Variants in PLCH1 observed in about 807,000 individuals in gnomAD.
PLCH1 encodes 1-phosphatidylinositol 4,5-bisphosphate phosphodiesterase eta-1.
PLCH1 carries 60 observed loss-of-function variants against 126.7 expected under a neutral mutation model. The ratio of observed to expected loss-of-function variants is 0.47; its 90% CI spans 0.38 to 0.59. The LOEUF is 0.59. Among genes scored for constraint, PLCH1 ranks in the 20% least tolerant of loss-of-function variants. The pLI is 0.00. For synonymous variants in PLCH1, 719 were observed against 734.9 expected, an observed-to-expected ratio of 0.98 and a Z score of 0.35; for missense variants, 1,723 against 2,040.0, an observed-to-expected ratio of 0.84 and a Z score of 2.99.
chr3:155,744,568 G>A (rs114337200), intron 1 of PLCH1, among the ~76,000 whole-genome samples: 372 of 152,296 alleles, frequency 2.4e-3, no homozygotes, highest in African/African-American at 8.0e-3. Context: ...CAAGGGACCC[G>A]AGAGTTACAT....
intron 21 of PLCH1, among the ~76,000 whole-genome samples, chr3:155,458,536 A>AAG (rs1712579061): frequency 4.8e-5 from 7 of 144,922 alleles, no homozygotes; most frequent in African/African-American, 1.9e-4. Context: ...GAAAGAAAGA[A>AAG]AAAGAAAAAG....
intron 2 of PLCH1, among the ~76,000 whole-genome samples, chr3:155,606,311 G>A (rs548378806): frequency 2.3e-4 from 35 of 152,220 alleles, no homozygotes; most frequent in South Asian, 4.2e-4. Flanking sequence ...AGGAGACCCC[G>A]TTTTAGGAAA....
intron 2 of PLCH1, among the ~76,000 whole-genome samples, chr3:155,611,127 G>A (rs776629285): frequency 1.3e-5 from 2 of 152,102 alleles, no homozygotes; most frequent in Non-Finnish European, 2.9e-5. Flanking sequence ...AGAGGGCCAG[G>A]CACGGCTCAC....
intron 2 of PLCH1, among the ~76,000 whole-genome samples, chr3:155,679,697 A>C (rs1191752391): frequency 1.3e-5 from 2 of 152,204 alleles, no homozygotes; most frequent in Non-Finnish European, 2.9e-5. Context: ...CAAACCTAGG[A>C]ACCATGTCAC....
At chr3:155,679,871 G>A (rs539710370) in intron 2 of PLCH1, among the ~76,000 whole-genome samples, 1 of 152,246 alleles carries the variant, frequency 6.6e-6, no homozygotes, top group African/African-American at 2.4e-5. Flanking sequence ...AGATCACACG[G>A]CTGTGATGAA....
chr3:155,550,862 T>C (rs997909451), intron 9 of PLCH1, among the ~76,000 whole-genome samples: 7 of 152,316 alleles, frequency 4.6e-5, no homozygotes, highest in African/African-American at 1.7e-4. Flanking sequence ...CAGGCTTTCA[T>C]GACAAGCACA....
Position 155,482,216 on chromosome 3 carries a change from G to A in PLCH1, c.3810C>T (p.Thr1270=). The change falls in exon 23 of 23, where the codon ACC becomes ACT. Residue 1270 remains threonine (T), a synonymous_variant. Transcript: ENST00000460012. ...KHATNTVYET[T]CTPISKTKPD... Reference sequence around the variant, plus strand: ...GTTTGGTTTTAGAGATGGGAGTGCAGGTAGTTTCATAAACTGTGTTCGTTG... The same window carrying A: ...GTTTGGTTTTAGAGATGGGAGTGCAAGTAGTTTCATAAACTGTGTTCGTTG... The A allele has an allele frequency of 6.2e-7, 1 of 1,614,132 alleles. No individual in the cohort carries two copies. Among genetic ancestry groups the A allele is most frequent in the Non-Finnish European group, 8.5e-7 (1 of 1,180,000 alleles).
Position 155,566,290 on chromosome 3 carries a change from C to T in PLCH1, c.866-1172G>A, listed in dbSNP as rs997044578. Among the ~76,000 whole-genome samples the T allele has an allele frequency of 1.4e-4, 4 of 28,416 alleles. No homozygotes were observed. In the East Asian group the frequency reaches 1.9e-3, roughly 13 times the overall value. 18.6% of individuals were successfully genotyped at this position (28,416 alleles called of 152,430 possible). The stretch of plus-strand genomic sequence containing the variant: ...ATATATACATATATACATATATATA[C>T]GTATATATACACATATATATACATA... On this transcript the variant is annotated intron_variant, in intron 7 of 22. Transcript: ENST00000460012.
rs774328734 is a variant in PLCH1, at chr3:155,481,298, G to C, written c.4728C>G (p.Ser1576Arg). 1.2e-6 allele frequency: 2 copies of C among 1,614,196 alleles called. No individual in the cohort carries two copies. The highest frequency in any genetic ancestry group is 1.7e-5 in the Admixed American group (1 of 60,018). Residue 1576 changes from serine (S) to arginine (R), a missense_variant, in exon 23 of 23, where the codon AGC becomes AGG. Transcript: ENST00000460012. This position sits in a 1 kb window ranked among gnomAD's most constrained non-coding sequence, Gnocchi z 4.2. ...LVRKLSSRSQSRVRNIASRAK... is the reference protein window; with the variant it reads ...LVRKLSSRSQRRVRNIASRAK... ...CACGACTAGCAATATTGCGCACTCT[G>C]CTCTGACTTCTGGATGACAACTTCC...
Position 155,481,226 on chromosome 3 carries a change from G to T in PLCH1, c.4800C>A (p.Ser1600Arg), listed in dbSNP as rs1286473466. The T allele has an allele frequency of 6.2e-7, 1 of 1,614,098 alleles. No homozygotes were observed. Among genetic ancestry groups the T allele is most frequent in the Non-Finnish European group, 8.5e-7 (1 of 1,180,046 alleles). The change falls in exon 23 of 23, where the codon AGC (serine) becomes AGA (arginine). Residue 1600 changes from serine (S) to arginine (R), a missense_variant. Physicochemically the swap from Ser to Arg is moderately radical, Grantham distance 110 (BLOSUM62 -1). Around this residue, in one of 2 missense-constraint regions of PLCH1, gnomAD observed 947 missense variants for 977.1 expected, o/e 0.97. Transcript: ENST00000460012. This position sits in a 1 kb window ranked among gnomAD's most constrained non-coding sequence, Gnocchi z 4.2. ...TTCTAAGAACCACTCCTGCCCCATT[G>T]CTGGGGTTTGGAACTTTCTGCTTGT... is the stretch of plus-strand genomic sequence containing the variant. ...EANKQKVPNP[S>R]NGAGVVLRNK...
intron 2 of PLCH1, among the ~76,000 whole-genome samples, chr3:155,629,164 A>G (rs1737724086): frequency 1.3e-5 from 2 of 152,360 alleles, no homozygotes; most frequent in Middle Eastern, 3.4e-3. Context: ...TAGGCTTTCA[A>G]CAAATACTAG....
chr3:155,481,172 C>A lies in PLCH1; in HGVS notation c.4854G>T (p.Val1618=), dbSNP rs199709331. The A allele has an allele frequency of 2.5e-6, 4 of 1,614,228 alleles. No individual in the cohort carries two copies. The East Asian group carries it at 8.9e-5, about 36-fold the overall frequency. ...TGTAGGAGCCGGTGGAGTGGCGATT[C>A]ACTGCAGGGGTGGGTGCTGAGGGTT... The part of the protein sequence containing the change: ...RNKPSAPTPA[V]NRHSTGSYIA... Residue 1618 remains valine, a synonymous_variant, in exon 23 of 23, where the codon GTG becomes GTT. Coordinates refer to ENST00000460012, the MANE Select transcript of PLCH1 (RefSeq NM_014996.4). The surrounding 1 kb of genome is among the most constrained non-coding windows in gnomAD (Gnocchi z 4.2).
At chr3:155,658,972 A>T (rs961007607) in intron 2 of PLCH1, among the ~76,000 whole-genome samples, 2 of 152,246 alleles carry the variant, frequency 1.3e-5, no homozygotes, top group African/African-American at 2.4e-5. Flanking sequence ...CACCAACTTA[A>T]CTGGTTGACA....
At chr3:155,493,307 A>C (rs1716531431) in intron 17 of PLCH1, among the ~76,000 whole-genome samples, 2 of 152,226 alleles carry the variant, frequency 1.3e-5, no homozygotes, top group South Asian at 4.1e-4. Context: ...TTATATATGT[A>C]ATTTGGAAAT....
At chr3:155,533,862 A>C (rs1466126252) in intron 10 of PLCH1, among the ~76,000 whole-genome samples, 2 of 152,258 alleles carry the variant, frequency 1.3e-5, no homozygotes, top group Non-Finnish European at 2.9e-5. Context: ...AGAGGGTGTA[A>C]GCTCCAAGCC....
chr3:155,616,293 G>A (rs959374502), intron 2 of PLCH1, among the ~76,000 whole-genome samples: 1 of 152,184 alleles, frequency 6.6e-6, no homozygotes, highest in Admixed American at 6.5e-5. Context: ...AGATAGAAAA[G>A]AATAAAACTG....
chr3:155,511,324 T>G (rs912546478), intron 12 of PLCH1, among the ~76,000 whole-genome samples: 1 of 134,186 alleles, frequency 7.5e-6, no homozygotes, highest in African/African-American at 3.4e-5. Flanking sequence ...CTCAGAGTAA[T>G]TTGATCGTCT....
chr3:155,484,948 T>C (rs1714803850), intron 22 of PLCH1, among the ~76,000 whole-genome samples: 2 of 152,222 alleles, frequency 1.3e-5, no homozygotes, highest in Admixed American at 6.5e-5. Context: ...GCTTTCTTTC[T>C]CCATAAACAT....
At chr3:155,612,921 A>AAAAAAG (rs1553855716) in intron 2 of PLCH1, among the ~76,000 whole-genome samples, 1 of 151,398 alleles carries the variant, frequency 6.6e-6, no homozygotes, top group Admixed American at 6.6e-5. Flanking sequence ...AAAAAAAAAA[A>AAAAAAG]AAAAGAAAAG....
Sources: gnomAD v4.1 joint callset for allele counts (sites outside exome capture counted in the v4.1 genomes callset) on GRCh38, gnomAD v4.1.1 for gene constraint, gnomAD v4.1.1 regional missense constraint, Gnocchi (gnomAD v3.1) non-coding constraint, MANE v1.5 for transcripts, NCBI Gene and HGNC (gene_info 2026-07-23, HGNC 2026-07-21) for gene names.